Variants in LMAN2 observed in about 807,000 individuals in gnomAD.
LMAN2 encodes vesicular integral-membrane protein VIP36.
Under a neutral mutation model 39.3 loss-of-function variants are expected in LMAN2, and 22 were observed. The ratio of observed to expected loss-of-function variants is 0.56; its 90% confidence interval spans 0.40 to 0.80. LMAN2 has a LOEUF of 0.80. Ranked by LOEUF, LMAN2 falls within the 30% of genes least tolerant of loss-of-function variation. The probability of loss-of-function intolerance (pLI) is 0.00; values close to 1 mark genes in which losing one functional copy is unlikely to be tolerated. For synonymous variants in LMAN2, 207 were observed against 207.8 expected (o/e 1.00, Z 0.03); for missense variants, 494 against 505.4 (o/e 0.98, Z 0.22).
At chr5:177,342,635 G>A (rs546128902) in intron 2 of LMAN2, among the ~76,000 whole-genome samples, 30 of 152,126 alleles carry the variant, frequency 2.0e-4, no homozygotes, top group Admixed American at 1.0e-3. Context: ...GCAGTGAGCC[G>A]TGTTCACGCC....
intron 2 of LMAN2, among the ~76,000 whole-genome samples, chr5:177,342,801 GCA>G (rs1314169010): frequency 1.4e-5 from 2 of 146,268 alleles, no homozygotes; most frequent in African/African-American, 5.1e-5. Flanking sequence ...AGCACCAAAA[GCA>G]CAGACAAAAA....
chr5:177,332,208 G>A lies in LMAN2; in HGVS notation c.949C>T (p.Pro317Ser), dbSNP rs1430279758. The A allele has an allele frequency of 1.2e-6, 2 of 1,613,192 alleles. No homozygotes were observed. Among genetic ancestry groups the A allele is most frequent in the Non-Finnish European group, 1.7e-6 (2 of 1,179,820 alleles). ...DDPTGNFRSG[P>S]LTGWRVFLLL... is the part of the protein sequence containing the mutation. ...AGGAACACCCGCCACCCCGTCAGGG[G>A]CCCGCTGCGGAAGTTCCCCGTGGGG... Residue 317 changes from proline (P) to serine (S), a missense_variant, in exon 8 of 8, where the codon CCC (proline) becomes TCC (serine). By Grantham distance (74) the Pro-to-Ser change is moderately conservative. Coordinates refer to ENST00000303127, the MANE Select transcript of LMAN2 (RefSeq NM_006816.3). This position sits in a 1 kb window ranked among gnomAD's most constrained non-coding sequence, Gnocchi z 6.3.
Position 177,351,579 on chromosome 5 carries a change from G to A in LMAN2, c.69C>T (p.Leu23=). 2.5e-6 allele frequency: 4 copies of A among 1,613,576 alleles called. No homozygotes were observed. Among genetic ancestry groups the A allele is most frequent in the Non-Finnish European group, 3.4e-6 (4 of 1,179,886 alleles). ...GRRCLGRPGL[L]GPGPGPTTPL... is the part of the protein sequence containing the mutation. ...GTGTAGTGGGGCCAGGGCCGGGGCC[G>A]AGAAGCCCAGGCCTTCCCAGGCACC... Residue 23 remains leucine, a synonymous_variant, in exon 1 of 8, where the codon CTC becomes CTT. Coordinates refer to ENST00000303127, the MANE Select transcript of LMAN2 (RefSeq NM_006816.3).
rs761995183 is a variant in LMAN2, at chr5:177,337,376, C to A, written c.662G>T (p.Arg221Leu). Residue 221 changes from arginine (R) to leucine (L), a missense_variant, in exon 5 of 8, where the codon CGG (arginine) becomes CTG (leucine). By Grantham distance (102) the Arg-to-Leu change is moderately radical (BLOSUM62 -2). Coordinates refer to ENST00000303127, the MANE Select transcript of LMAN2 (RefSeq NM_006816.3). This position sits in a 1 kb window ranked among gnomAD's most constrained non-coding sequence, Gnocchi z 8.2. ...TAGCCTGCTCACCGTCAGACGGCCC[C>A]GGGAGTAGCGCACAGCCAGGAAGGT... Reference protein sequence around the residue: ...HDTFLAVRYSRGRLTVMTDLE... With the variant: ...HDTFLAVRYSLGRLTVMTDLE... 1 of 1,611,274 alleles carries A rather than the reference C, an allele frequency of 6.2e-7. No homozygotes were observed. Among genetic ancestry groups the A allele is most frequent in the Admixed American group, 1.7e-5 (1 of 59,980 alleles).
rs376059834 is a variant in LMAN2 at position 177,332,137 on chromosome 5, C to T, written c.1020G>A (p.Val340=). ...GCCGCTTCTGGAACACCACGGCCCC[C>T]ACCACGGCGCAGACAACGATGCCCA... The part of the protein sequence containing the change: ...ALLGIVVCAV[V]GAVVFQKRQE... Residue 340 remains valine, a synonymous_variant, in exon 8 of 8, where the codon GTG becomes GTA. Coordinates refer to ENST00000303127, the MANE Select transcript of LMAN2 (RefSeq NM_006816.3). The surrounding 1 kb of genome is among the most constrained non-coding windows in gnomAD (Gnocchi z 6.3). The T allele has an allele frequency of 1.2e-6, 2 of 1,613,720 alleles. No homozygotes were observed. Among genetic ancestry groups the T allele is most frequent in the East Asian group, 2.2e-5 (1 of 44,878 alleles).
intron 6 of LMAN2, among the ~76,000 whole-genome samples, chr5:177,336,308 G>A (rs1235048947): frequency 6.6e-6 from 1 of 152,204 alleles, no homozygotes; most frequent in Non-Finnish European, 1.5e-5. Flanking sequence ...AGGGGGAGCA[G>A]TGAGCAGGGA....
Position 177,337,868 on chromosome 5 carries a change from G to A in LMAN2, c.434-83C>T. 8.0e-7 allele frequency: 1 copy of A among 1,256,764 alleles called. No homozygotes were observed. The highest frequency in any genetic ancestry group is 2.4e-5 in the East Asian group (1 of 41,196). 77.9% of individuals were successfully genotyped at this position (1,256,764 alleles called of 1,614,324 possible). On this transcript the variant is annotated intron_variant, in intron 3 of 7. Coordinates refer to ENST00000303127, the MANE Select transcript of LMAN2 (RefSeq NM_006816.3). This position sits in a 1 kb window ranked among gnomAD's most constrained non-coding sequence, Gnocchi z 8.2. The stretch of plus-strand genomic sequence containing the variant: ...CCTAAAAGGCAAGCAATGCCAACAT[G>A]GGTGGGGGCAAGAGAGCCCAACCCA...
intron 2 of LMAN2, among the ~76,000 whole-genome samples, chr5:177,340,244 T>C (rs1288953625): frequency 1.3e-5 from 2 of 152,182 alleles, no homozygotes; most frequent in African/African-American, 2.4e-5. Context: ...TTTTTTAACA[T>C]GAAACTATTT....
rs138390140 is a variant in LMAN2 at position 177,332,114 on chromosome 5, C to T, written c.1043G>A (p.Arg348Gln). The change falls in exon 8 of 8, where the codon CGG (arginine) becomes CAG (glutamine). Residue 348 changes from arginine (R) to glutamine (Q), a missense_variant. By Grantham distance (43) the Arg-to-Gln change is conservative (BLOSUM62 1). Coordinates refer to ENST00000303127, the MANE Select transcript of LMAN2 (RefSeq NM_006816.3). This position sits in a 1 kb window ranked among gnomAD's most constrained non-coding sequence, Gnocchi z 6.3. ...GTAGAAGCGCTTGTTCCGCTCCTGC[C>T]GCTTCTGGAACACCACGGCCCCCAC... ...AVVGAVVFQKRQERNKRFY is the reference protein window; with the variant it reads ...AVVGAVVFQKQQERNKRFY 22 of 1,613,286 alleles carry T rather than the reference C, an allele frequency of 1.4e-5. No individual in the cohort carries two copies. The highest frequency in any genetic ancestry group is 1.6e-4 in the Middle Eastern group (1 of 6,078).
In LMAN2 at chr5:177,341,070, T is replaced by C. The variant is rs1437066779; in HGVS notation, c.316-2465A>G. ...ACGCCCAGCCTTTTTTTTTCTTTTTTTTTTTTTTTTTGTGAGACAGAGTTT... is the reference window on the plus strand; with the variant it reads ...ACGCCCAGCCTTTTTTTTTCTTTTTCTTTTTTTTTTTGTGAGACAGAGTTT... On this transcript the variant is annotated intron_variant, in intron 2 of 7. Transcript: ENST00000303127. 1.5e-3 allele frequency among the ~76,000 whole-genome samples: 210 copies of C among 143,096 alleles called. 1 individual carries two copies. The highest frequency in any genetic ancestry group is 5.3e-3 in the African/African-American group (204 of 38,564). The allele number at this position is 143,096 out of a possible 152,430, so 93.9% of individuals were successfully genotyped here. A position where few individuals can be genotyped will look rare whatever the true frequency, so the allele number is the denominator to read the frequency against.
At chr5:177,346,461 G>GTTT in intron 2 of LMAN2, 2 of 283,524 alleles carry the variant, frequency 7.1e-6, no homozygotes, top group Non-Finnish European at 1.2e-5. Flanking sequence ...ACCGGTTGTT[G>GTTT]TTTTTTTTTT....
intron 6 of LMAN2, among the ~76,000 whole-genome samples, chr5:177,335,440 G>A (rs1211165853): frequency 1.3e-5 from 2 of 152,222 alleles, no homozygotes; most frequent in African/African-American, 4.8e-5. Context: ...CCTGACCAGT[G>A]GTCAGACACG....
chr5:177,337,381 G>A lies in LMAN2; in HGVS notation c.657C>T (p.Tyr219=). 6.2e-7 allele frequency: 1 copy of A among 1,611,898 alleles called. No individual in the cohort carries two copies. The highest frequency in any genetic ancestry group is 8.5e-7 in the Non-Finnish European group (1 of 1,179,960). The change falls in exon 5 of 8, where the codon TAC becomes TAT. Residue 219 remains tyrosine, a synonymous_variant. Coordinates refer to ENST00000303127, the MANE Select transcript of LMAN2 (RefSeq NM_006816.3). The surrounding 1 kb of genome is among the most constrained non-coding windows in gnomAD (Gnocchi z 8.2). The part of the protein sequence containing the change: ...RDHDTFLAVR[Y]SRGRLTVMTD... The stretch of plus-strand genomic sequence containing the variant: ...TGCTCACCGTCAGACGGCCCCGGGA[G>A]TAGCGCACAGCCAGGAAGGTGTCGT...
chr5:177,338,671 C>G, intron 2 of LMAN2, 66 bp from the exon 3 acceptor site: 2 of 1,275,674 alleles, frequency 1.6e-6, no homozygotes, highest in South Asian at 2.4e-5. Flanking sequence ...GGAGGCAACC[C>G]CAGCACGGCC....
intron 2 of LMAN2, among the ~76,000 whole-genome samples, chr5:177,348,252 C>A (rs1356206974): frequency 6.6e-6 from 1 of 151,986 alleles, no homozygotes; most frequent in Non-Finnish European, 1.5e-5. Context: ...TCAGTCTCAA[C>A]AAAATTGAAA....
chr5:177,343,069 C>T (rs1057226962), intron 2 of LMAN2, among the ~76,000 whole-genome samples: 5 of 151,978 alleles, frequency 3.3e-5, no homozygotes, highest in East Asian at 1.9e-4. Context: ...CTGGCTAACA[C>T]GGTGAAACCC....
Position 177,337,212 on chromosome 5 carries a change from G to C in LMAN2, c.714C>G (p.Asn238Lys). Residue 238 changes from asparagine to lysine, a missense_variant, in exon 6 of 8, where the codon AAC becomes AAG. Coordinates refer to ENST00000303127, the MANE Select transcript of LMAN2 (RefSeq NM_006816.3). The surrounding 1 kb of genome is among the most constrained non-coding windows in gnomAD (Gnocchi z 8.2). Reference protein sequence around the residue: ...TDLEDKNEWKNCIDITGVRLP... With the variant: ...TDLEDKNEWKKCIDITGVRLP... ...GGCGCACTCCCGTGATGTCAATGCA[G>C]TTCTTCCACTCGTTCTTGTCCTCCA... 6.2e-7 allele frequency: 1 copy of C among 1,614,076 alleles called. No homozygotes were observed.
intron 2 of LMAN2, among the ~76,000 whole-genome samples, chr5:177,345,651 C>G (rs1713858256): frequency 6.6e-6 from 1 of 152,148 alleles, no homozygotes; most frequent in African/African-American, 2.4e-5. Context: ...GAGCTGTGGT[C>G]TGCCCGCTCC....
chr5:177,334,197 C>A, intron 7 of LMAN2, 87 bp downstream of exon 7: 2 of 1,515,454 alleles, frequency 1.3e-6, no homozygotes, highest in East Asian at 2.3e-5. Flanking sequence ...ACAACCACGA[C>A]TGGACCACAA....
Sources: allele counts gnomAD v4.1 joint callset (sites outside exome capture counted in the v4.1 genomes callset), GRCh38; gene constraint gnomAD v4.1.1; non-coding constraint Gnocchi (gnomAD v3.1); transcripts MANE v1.5; gene names NCBI Gene and HGNC (gene_info 2026-07-23, HGNC 2026-07-21).